The following EVI5 variants were observed in gnomAD, a reference collection of about 807,000 sequenced individuals.
EVI5 encodes ecotropic viral integration site 5, also known as ecotropic viral integration site 5 protein homolog.
A neutral mutation model predicts 112.0 loss-of-function variants in EVI5; 73 were observed. The observed-to-expected ratio is 0.65, with a 90% CI of 0.54 to 0.79. The LOEUF is 0.79. Among genes scored for constraint, EVI5 ranks in the 30% least tolerant of loss-of-function variants. The pLI, the probability that EVI5 is intolerant of heterozygous loss-of-function variation, is 0.00. For synonymous variants in EVI5, 305 were observed against 319.9 expected (o/e 0.95, Z 0.50); for missense variants, 900 against 968.8 (o/e 0.93, Z 0.94).
At chr1:92,518,301 A>G (rs1343272201) in intron 19 of EVI5, among the ~76,000 whole-genome samples, 1 of 152,234 alleles carries the variant, frequency 6.6e-6, no homozygotes, top group Non-Finnish European at 1.5e-5. Context: ...GTGAAATGCC[A>G]GTAAAAACAA....
intron 1 of EVI5, chr1:92,784,288 C>T (rs1411571453): frequency 3.0e-6 from 3 of 985,040 alleles, no homozygotes; most frequent in Non-Finnish European, 3.6e-6. Context: ...GCTTGCCCCA[C>T]TAGTCATAAG....
chr1:92,690,622 T>C (rs1669337768), intron 9 of EVI5, among the ~76,000 whole-genome samples: 1 of 152,114 alleles, frequency 6.6e-6, no homozygotes, highest in Non-Finnish European at 1.5e-5. Context: ...AGTACTGGGA[T>C]TATAGGTGTG....
chr1:92,556,056 T>C (rs1301686224), intron 19 of EVI5, among the ~76,000 whole-genome samples: 1 of 151,476 alleles, frequency 6.6e-6, no homozygotes, highest in Non-Finnish European at 1.5e-5. Context: ...ACCACTTTTT[T>C]CTTTCTTTCT....
chr1:92,715,877 T>A (rs1341360652), intron 2 of EVI5, among the ~76,000 whole-genome samples: 4 of 152,010 alleles, frequency 2.6e-5, no homozygotes, highest in African/African-American at 9.7e-5. Flanking sequence ...CAGTCTGATA[T>A]CGACCTGCGA....
intron 1 of EVI5, among the ~76,000 whole-genome samples, chr1:92,752,125 A>AT (rs1345412884): frequency 6.6e-6 from 1 of 151,890 alleles, no homozygotes; most frequent in Non-Finnish European, 1.5e-5. Context: ...TAACTAACCC[A>AT]TTTTTCCTTT....
chr1:92,559,773 C>CAAAAAAA lies in EVI5; in HGVS notation c.2166+3862_2166+3868dup, dbSNP rs34723950. Among the ~76,000 whole-genome samples the CAAAAAAA allele has an allele frequency of 8.4e-5, 4 of 47,500 alleles. 2 individuals are homozygous for CAAAAAAA. Among genetic ancestry groups the CAAAAAAA allele is most frequent in the Non-Finnish European group, 7.4e-5 (2 of 27,204 alleles). The allele number at this position is 47,500 out of a possible 152,430, so 31.2% of individuals were successfully genotyped here. ...TGGGAGACAGAGCAAGACTCCCTCT[C>CAAAAAAA]AAAAAAAAAAAAAAAAAAAAAAAAA... On this transcript the variant is annotated intron_variant, in intron 19 of 19. Coordinates refer to ENST00000684568, the MANE Select transcript of EVI5 (RefSeq NM_001350197.2).
At chr1:92,675,955 C>CAA (rs370294019) in intron 10 of EVI5, among the ~76,000 whole-genome samples, 10 of 56,648 alleles carry the variant, frequency 1.8e-4, no homozygotes, top group Middle Eastern at 7.6e-3. Context: ...GACTTCGTCT[C>CAA]AAAAAAAAAA....
chr1:92,738,215 C>T (rs1024481433), intron 1 of EVI5, among the ~76,000 whole-genome samples: 2 of 152,144 alleles, frequency 1.3e-5, no homozygotes, highest in African/African-American at 4.8e-5. Context: ...ATAGTAGGCA[C>T]TAAGATAGCC....
At chr1:92,720,480 A>G (rs1325381965) in intron 2 of EVI5, among the ~76,000 whole-genome samples, 1 of 150,782 alleles carries the variant, frequency 6.6e-6, no homozygotes, top group African/African-American at 2.5e-5. Flanking sequence ...CATATGTAGA[A>G]AGCTGAAACT....
At chr1:92,564,077 C>T (rs977621393) in intron 18 of EVI5, among the ~76,000 whole-genome samples, 1 of 152,140 alleles carries the variant, frequency 6.6e-6, no homozygotes, top group Admixed American at 6.6e-5. Context: ...GCATGTGCCA[C>T]CACGCCTGGC....
At chr1:92,605,625 T>A (rs564646770) in intron 17 of EVI5, among the ~76,000 whole-genome samples, 1 of 152,214 alleles carries the variant, frequency 6.6e-6, no homozygotes, top group African/African-American at 2.4e-5. Context: ...CATATATCAA[T>A]TCAAATTAAG....
At chr1:92,784,123 G>A (rs760038310) in intron 1 of EVI5, 2 of 171,956 alleles carry the variant, frequency 1.2e-5, no homozygotes, top group Non-Finnish European at 2.3e-5. Context: ...CAAAAGGCTT[G>A]GTTTAACTCT....
intron 1 of EVI5, among the ~76,000 whole-genome samples, chr1:92,742,327 T>C (rs148275972): frequency 0.026 from 3,930 of 152,134 alleles, 150 homozygotes; most frequent in African/African-American, 0.08. Flanking sequence ...CCTGAGTAGC[T>C]GGTACTATAG....
At chr1:92,634,174 T>C (rs1658160095) in intron 14 of EVI5, among the ~76,000 whole-genome samples, 1 of 152,194 alleles carries the variant, frequency 6.6e-6, no homozygotes, top group Admixed American at 6.5e-5. Flanking sequence ...GTTGCTCTTC[T>C]TGAGGAGTAT....
Position 92,747,039 on chromosome 1 carries a change from C to T in EVI5, c.-81-10412G>A, listed in dbSNP as rs1479144894. ...CACATTTGTAAAAGTCTGTATTTCC[C>T]AAAGATGGCCTATATAGTCCACAGG... On this transcript the variant is annotated intron_variant, in intron 1 of 19. Coordinates refer to ENST00000684568, the MANE Select transcript of EVI5 (RefSeq NM_001350197.2). Among the ~76,000 whole-genome samples, 3 of 152,000 alleles carry T rather than the reference C, an allele frequency of 2.0e-5. No individual in the cohort carries two copies. In the East Asian group the frequency reaches 5.8e-4, roughly 29 times the overall value.
upstream of EVI5, among the ~76,000 whole-genome samples, chr1:92,785,316 G>C (rs1685504460): frequency 6.6e-6 from 1 of 152,166 alleles, no homozygotes; most frequent in Non-Finnish European, 1.5e-5. Flanking sequence ...CGACTTCCCC[G>C]GCCACTGGAA....
At chr1:92,547,997 T>G (rs1439931850) in intron 19 of EVI5, among the ~76,000 whole-genome samples, 2 of 152,236 alleles carry the variant, frequency 1.3e-5, no homozygotes, top group Admixed American at 6.5e-5. Context: ...ACTCATTTTA[T>G]GAGGCCAGCA....
At chr1:92,554,412 T>C (rs2100795675) in intron 19 of EVI5, among the ~76,000 whole-genome samples, 1 of 152,314 alleles carries the variant, frequency 6.6e-6, no homozygotes, top group South Asian at 2.1e-4. Flanking sequence ...CTTTGTAACT[T>C]TGGGTAAGTC....
intron 18 of EVI5, among the ~76,000 whole-genome samples, chr1:92,567,988 G>A (rs1669752701): frequency 6.6e-6 from 1 of 152,140 alleles, no homozygotes; most frequent in Admixed American, 6.5e-5. Context: ...GAGATACTAA[G>A]TCAGAGTCCT....
Sources: gnomAD v4.1 joint callset for allele counts (sites outside exome capture counted in the v4.1 genomes callset) on GRCh38, gnomAD v4.1.1 for gene constraint, MANE v1.5 for transcripts, NCBI Gene and HGNC (gene_info 2026-07-23, HGNC 2026-07-21) for gene names.